Variants in ABI3BP observed in about 807,000 individuals in gnomAD.
ABI3BP encodes the protein target of Nesh-SH3.
In ABI3BP, 216 loss-of-function variants were observed where a neutral mutation model predicts 268.6. That is an observed-to-expected ratio of 0.80 (90% CI 0.72 to 0.90). The LOEUF is 0.90. ABI3BP is among the 40% of genes least tolerant of loss of function. ABI3BP has a pLI of 0.00. For missense variants in ABI3BP, 2,090 were observed against 2,182.4 expected, an observed-to-expected ratio of 0.96 and a Z score of 0.84; for synonymous variants, 730 against 730.0, an observed-to-expected ratio of 1.00 and a Z score of 0.00.
intron 1 of ABI3BP, among the ~76,000 whole-genome samples, chr3:100,986,383 C>T (rs763820828): frequency 1.3e-5 from 2 of 152,318 alleles, no homozygotes; most frequent in Non-Finnish European, 2.9e-5. Context: ...AAACCAGGCT[C>T]AGACTCCTAA....
chr3:100,873,536 T>C (rs2099131158), intron 9 of ABI3BP, among the ~76,000 whole-genome samples: 1 of 152,184 alleles, frequency 6.6e-6, no homozygotes, highest in African/African-American at 2.4e-5. Context: ...GGATGCATGC[T>C]CTTGATAACA....
intron 4 of ABI3BP, among the ~76,000 whole-genome samples, chr3:100,887,666 AG>A (rs1359361589): frequency 1.3e-5 from 2 of 152,134 alleles, no homozygotes; most frequent in African/African-American, 2.4e-5. Context: ...TCAAAAGGTT[AG>A]TACCTTTCCT....
At position 100,851,943 on chromosome 3, in the gene ABI3BP, T is replaced by TTAAA. The variant is rs376470742; in HGVS notation, c.1286-4_1286-3insTTTA. The TTAAA allele has an allele frequency of 2.2e-6, 3 of 1,392,144 alleles. No homozygotes were observed. Among genetic ancestry groups the TTAAA allele is most frequent in the African/African-American group, 3.0e-5 (2 of 65,912 alleles). 86.2% of individuals were successfully genotyped at this position (1,392,144 alleles called of 1,614,324 possible). A position where few individuals can be genotyped will look rare whatever the true frequency, so the allele number is the denominator to read the frequency against. The stretch of plus-strand genomic sequence containing the variant: ...GCTTGAGAAAACATCATAAGTTGCT[T>TTAAA]AAAAAAAAAAAAAAGGCAAAACAAG... On this transcript the variant is annotated splice_polypyrimidine_tract_variant and splice_region_variant and intron_variant, in intron 14 of 67. Transcript: ENST00000471714.
At chr3:100,844,707 A>T (rs562040239) in intron 20 of ABI3BP, among the ~76,000 whole-genome samples, 1 of 152,070 alleles carries the variant, frequency 6.6e-6, no homozygotes, top group East Asian at 1.9e-4. Context: ...GTTGCTATGG[A>T]CCATTCAAGG....
intron 4 of ABI3BP, among the ~76,000 whole-genome samples, chr3:100,897,828 T>C (rs575457241): frequency 6.6e-6 from 1 of 152,304 alleles, no homozygotes; most frequent in South Asian, 2.1e-4. Context: ...ACTTCTGAAA[T>C]GTAAAAATCA....
At chr3:100,970,222 A>G (rs1354304123) in intron 1 of ABI3BP, among the ~76,000 whole-genome samples, 8 of 152,216 alleles carry the variant, frequency 5.3e-5, no homozygotes, top group Non-Finnish European at 1.5e-5. Flanking sequence ...TTGTTGAATG[A>G]ACGACTGGCT....
intron 32 of ABI3BP, 103 bp downstream of exon 32, chr3:100,830,475 C>T (rs1341118837): frequency 2.1e-6 from 2 of 967,072 alleles, no homozygotes; most frequent in South Asian, 1.7e-5. Context: ...TAGAGGATAA[C>T]ACAGAAGCCT....
In ABI3BP at chr3:100,749,588, A is replaced by C. The variant is rs1464503800; in HGVS notation, c.*907T>G. The C allele has an allele frequency of 5.1e-6, 2 of 390,346 alleles. No individual in the cohort carries two copies. The allele number at this position is 390,346 out of a possible 1,614,324, so 24.2% of individuals were successfully genotyped here. ...CAGTTACAAAGACATTCTCTGATAC[A>C]TTCATTCATAGAGGTCTTAACGTAT... On this transcript the variant is annotated 3_prime_UTR_variant, in exon 68 of 68. Coordinates refer to ENST00000471714, the MANE Select transcript of ABI3BP (RefSeq NM_001375547.2).
intron 14 of ABI3BP, among the ~76,000 whole-genome samples, chr3:100,857,130 T>C (rs1170109536): frequency 6.6e-6 from 1 of 151,820 alleles, no homozygotes; most frequent in East Asian, 1.9e-4. Flanking sequence ...CCATAGATCA[T>C]TTGGTATGAT....
intron 1 of ABI3BP, among the ~76,000 whole-genome samples, chr3:100,938,214 G>A (rs2067151088): frequency 1.3e-5 from 2 of 151,852 alleles, no homozygotes; most frequent in South Asian, 4.2e-4. Flanking sequence ...TAGTAGCTGG[G>A]TGACAAATTA....
intron 20 of ABI3BP, chr3:100,843,656 T>C: frequency 1.0e-6 from 1 of 982,860 alleles, no homozygotes; most frequent in Non-Finnish European, 1.2e-6. Flanking sequence ...AGAAAGGGAA[T>C]TGTATGTGTA....
intron 31 of ABI3BP, among the ~76,000 whole-genome samples, chr3:100,831,468 C>A (rs938525500): frequency 6.6e-6 from 1 of 152,106 alleles, no homozygotes; most frequent in African/African-American, 2.4e-5. Context: ...ACATAAGTAG[C>A]TGAAGAACCA....
At chr3:100,924,701 T>C (rs926372819) in intron 2 of ABI3BP, among the ~76,000 whole-genome samples, 2 of 152,174 alleles carry the variant, frequency 1.3e-5, no homozygotes, top group African/African-American at 4.8e-5. Context: ...TTTTCATCAT[T>C]GAAACAGTGA....
intron 1 of ABI3BP, among the ~76,000 whole-genome samples, chr3:100,948,127 G>A (rs1168792012): frequency 2.6e-5 from 4 of 152,158 alleles, no homozygotes; most frequent in Non-Finnish European, 5.9e-5. Flanking sequence ...AGTATGCAGG[G>A]AAGCTATAGA....
At chr3:100,905,746 G>T (rs1358086877) in intron 2 of ABI3BP, among the ~76,000 whole-genome samples, 1 of 152,028 alleles carries the variant, frequency 6.6e-6, no homozygotes, top group African/African-American at 2.4e-5. Context: ...GGAATTAAAG[G>T]CCCTTACGTT....
chr3:100,876,599 T>C, intron 6 of ABI3BP, 39 bp from the exon 7 acceptor site: 1 of 1,579,424 alleles, frequency 6.3e-7, no homozygotes, highest in Non-Finnish European at 8.7e-7. Context: ...TGAGTCATTG[T>C]GAATAACTTT....
intron 62 of ABI3BP, among the ~76,000 whole-genome samples, chr3:100,767,796 CTAT>C (rs1167288798): frequency 6.6e-6 from 1 of 152,022 alleles, no homozygotes; most frequent in Non-Finnish European, 1.5e-5. Flanking sequence ...CAGGTGGTAC[CTAT>C]TATTATGCTG....
chr3:100,902,122 C>T (rs1453950403), intron 3 of ABI3BP, among the ~76,000 whole-genome samples: 2 of 152,156 alleles, frequency 1.3e-5, no homozygotes, highest in East Asian at 3.8e-4. Flanking sequence ...AACCTACATG[C>T]TGATCTATTT....
chr3:100,956,050 C>T (rs761350582), intron 1 of ABI3BP, among the ~76,000 whole-genome samples: 2 of 151,542 alleles, frequency 1.3e-5, no homozygotes, highest in Non-Finnish European at 2.9e-5. Flanking sequence ...TAGCCTGGCA[C>T]GGTGGCATGT....
Sources: allele counts gnomAD v4.1 joint callset (sites outside exome capture counted in the v4.1 genomes callset), GRCh38; gene constraint gnomAD v4.1.1; transcripts MANE v1.5; gene names NCBI Gene and HGNC (gene_info 2026-07-23, HGNC 2026-07-21).